The following C10orf90 variants were observed in gnomAD, a reference collection of about 807,000 sequenced individuals.
C10orf90 encodes the protein chromosome 10 open reading frame 90.
A neutral mutation model predicts 62.5 loss-of-function variants in C10orf90; 56 were observed. The observed-to-expected ratio is 0.90, with a 90% CI of 0.72 to 1.12. The LOEUF (loss-of-function observed/expected upper bound fraction) is 1.12. C10orf90 is among the 50% of genes most tolerant of loss of function. The pLI, the probability that C10orf90 is intolerant of heterozygous loss-of-function variation, is 0.00. For synonymous variants in C10orf90, 386 were observed against 340.4 expected, an observed-to-expected ratio of 1.13 and a Z score of -1.47; for missense variants, 970 against 880.4, an observed-to-expected ratio of 1.10 and a Z score of -1.29.
intron 2 of C10orf90, among the ~76,000 whole-genome samples, chr10:126,594,867 A>G (rs569937091): frequency 3.6e-4 from 55 of 152,140 alleles, no homozygotes; most frequent in Non-Finnish European, 6.9e-4. Context: ...GAAGGGCACT[A>G]AGAGGCAGGT....
At chr10:126,467,150 T>G (rs1400984748) in intron 4 of C10orf90, among the ~76,000 whole-genome samples, 4 of 152,220 alleles carry the variant, frequency 2.6e-5, no homozygotes, top group African/African-American at 9.6e-5. Context: ...TATCTATCTA[T>G]CTCTGGTTTA....
At chr10:126,450,581 A>G (rs1445767756) in intron 7 of C10orf90, among the ~76,000 whole-genome samples, 3 of 152,244 alleles carry the variant, frequency 2.0e-5, no homozygotes, top group Non-Finnish European at 4.4e-5. Flanking sequence ...AGCTGAGAAT[A>G]TACAATGGGG....
At chr10:126,584,608 T>C (rs1844822705) in intron 2 of C10orf90, among the ~76,000 whole-genome samples, 1 of 152,064 alleles carries the variant, frequency 6.6e-6, no homozygotes, top group Non-Finnish European at 1.5e-5. Context: ...TCAGGAGAGA[T>C]GTACTTTGCT....
At chr10:126,454,562 C>T (rs1008197146) in intron 7 of C10orf90, among the ~76,000 whole-genome samples, 3 of 151,702 alleles carry the variant, frequency 2.0e-5, no homozygotes, top group African/African-American at 7.3e-5. Flanking sequence ...GGAGCTGTAC[C>T]CCTACTGCCT....
intron 2 of C10orf90, among the ~76,000 whole-genome samples, chr10:126,553,712 A>G (rs1186034638): frequency 6.6e-6 from 1 of 152,206 alleles, no homozygotes; most frequent in African/African-American, 2.4e-5. Flanking sequence ...TGTAGGCTAT[A>G]CCATCTAGGT....
intron 6 of C10orf90, among the ~76,000 whole-genome samples, 194 bp from the exon 7 acceptor site, chr10:126,459,411 C>T (rs1463955884): frequency 5.3e-5 from 8 of 152,208 alleles, no homozygotes; most frequent in African/African-American, 1.9e-4. Context: ...AACACAGGTC[C>T]TGGGGGTCAG....
At chr10:126,657,106 T>G (rs987724232) in intron 1 of C10orf90, among the ~76,000 whole-genome samples, 2 of 152,184 alleles carry the variant, frequency 1.3e-5, no homozygotes, top group African/African-American at 4.8e-5. Context: ...TACTCAGAAG[T>G]GCCATTCATT....
chr10:126,457,910 T>C (rs1859687736), intron 7 of C10orf90, among the ~76,000 whole-genome samples: 1 of 152,212 alleles, frequency 6.6e-6, no homozygotes, highest in South Asian at 2.1e-4. Flanking sequence ...AGACACATTT[T>C]CCCATGGGGA....
intron 4 of C10orf90, among the ~76,000 whole-genome samples, chr10:126,471,824 A>G (rs1860600063): frequency 6.6e-6 from 1 of 152,222 alleles, no homozygotes; most frequent in South Asian, 2.1e-4. Context: ...TTCTGTTATT[A>G]GCTAGTTATG....
chr10:126,474,435 A>G (rs1590969616), intron 4 of C10orf90, among the ~76,000 whole-genome samples: 1 of 152,356 alleles, frequency 6.6e-6, no homozygotes, highest in East Asian at 1.9e-4. Context: ...AAGGACTCCT[A>G]CAGTCAGCCT....
chr10:126,665,597 G>T (rs369385428), intron 1 of C10orf90, among the ~76,000 whole-genome samples: 1 of 152,128 alleles, frequency 6.6e-6, no homozygotes, highest in Non-Finnish European at 1.5e-5. Flanking sequence ...CCAGACAACC[G>T]CTAGGAAACA....
chr10:126,490,103 A>ATATATTATATATATAT (rs1861680821), intron 4 of C10orf90, among the ~76,000 whole-genome samples: 2 of 114,926 alleles, frequency 1.7e-5, no homozygotes, highest in African/African-American at 4.6e-5. Context: ...AATATATAAT[A>ATATATTATATATATAT]TATATGTATA....
chr10:126,578,743 C>T (rs1257299962), intron 2 of C10orf90, among the ~76,000 whole-genome samples: 1 of 152,242 alleles, frequency 6.6e-6, no homozygotes, highest in East Asian at 1.9e-4. Flanking sequence ...AATGTTTGCA[C>T]AAAGAAATTT....
chr10:126,565,426 T>TATATAATATATA (rs1554917374), intron 2 of C10orf90, among the ~76,000 whole-genome samples: 3 of 57,210 alleles, frequency 5.2e-5, no homozygotes, highest in Admixed American at 3.0e-4. Flanking sequence ...TTATATATAT[T>TATATAATATATA]ATATATATTA....
chr10:126,593,774 T>C (rs1845028227), intron 2 of C10orf90, among the ~76,000 whole-genome samples: 1 of 150,508 alleles, frequency 6.6e-6, no homozygotes, highest in Non-Finnish European at 1.5e-5. Flanking sequence ...TACCCTGTAG[T>C]TTTAAAAAGT....
chr10:126,544,304 C>A (rs923135740), intron 2 of C10orf90, among the ~76,000 whole-genome samples: 1 of 152,128 alleles, frequency 6.6e-6, no homozygotes, highest in Non-Finnish European at 1.5e-5. Context: ...ATCTGCTGTA[C>A]CCTTTGGGTC....
rs200783026 is a variant in C10orf90 at position 126,426,072 on chromosome 10, C to A, written c.2271G>T (p.Pro757=). Residue 757 remains proline, a synonymous_variant, in exon 9 of 10, where the codon CCG becomes CCT. Transcript: ENST00000488181. ...GTTCTTCTTTTTTCTTTTTAACTTC[C>A]GGCAAGTTATCATAGATTCTGAAAC... is the stretch of plus-strand genomic sequence containing the variant. ...MRSKRIYDNL[P]EVKKKKEEQR... is the part of the protein sequence containing the mutation. 8.1e-6 allele frequency: 13 copies of A among 1,613,778 alleles called. No homozygotes were observed. Among genetic ancestry groups the A allele is most frequent in the Non-Finnish European group, 1.0e-5 (12 of 1,179,826 alleles).
chr10:126,639,740 T>C (rs749497500), intron 2 of C10orf90, among the ~76,000 whole-genome samples: 1 of 152,254 alleles, frequency 6.6e-6, no homozygotes, highest in Non-Finnish European at 1.5e-5. Flanking sequence ...CACAAAGCTA[T>C]ATAGACTGCG....
chr10:126,616,371 G>A (rs1225271374), intron 2 of C10orf90, among the ~76,000 whole-genome samples: 1 of 152,182 alleles, frequency 6.6e-6, no homozygotes, highest in African/African-American at 2.4e-5. Context: ...GATTTGATGA[G>A]CATAAAGGTA....
Sources: allele counts gnomAD v4.1 joint callset (sites outside exome capture counted in the v4.1 genomes callset), GRCh38; gene constraint gnomAD v4.1.1; transcripts MANE v1.5; gene names NCBI Gene and HGNC (gene_info 2026-07-23, HGNC 2026-07-21).